The following CAPN8 variants were observed in gnomAD, a reference collection of about 807,000 sequenced individuals.
CAPN8 encodes calpain 8, also known as calpain-8.
A neutral mutation model predicts 80.9 loss-of-function variants in CAPN8; 87 were observed. That is an observed-to-expected ratio of 1.07 (90% CI 0.90 to 1.28). The LOEUF is 1.28. Ranked by LOEUF, CAPN8 falls within the 50% of genes most tolerant of loss-of-function variation. The pLI, the probability that CAPN8 is intolerant of heterozygous loss-of-function variation, is 0.00. For missense variants in CAPN8, 757 were observed against 702.0 expected, an observed-to-expected ratio of 1.08 and a Z score of -0.89; for synonymous variants, 299 against 273.8, an observed-to-expected ratio of 1.09 and a Z score of -0.91.
chr1:223,654,527 A>G (rs1039565340), intron 1 of CAPN8, 128 bp from the exon 2 acceptor site: 22 of 791,926 alleles, frequency 2.8e-5, no homozygotes, highest in Admixed American at 1.9e-4. Flanking sequence ...TGCCCATCAC[A>G]TGGTTTTATT....
At chr1:223,558,807 G>A (rs921924369) in intron 12 of CAPN8, among the ~76,000 whole-genome samples, 21 of 149,848 alleles carry the variant, frequency 1.4e-4, no homozygotes, top group Admixed American at 1.3e-3. Context: ...GTATGCATGT[G>A]CTTGTAGTAT....
rs922058802 is a variant in CAPN8 at position 223,558,559 on chromosome 1, G to C, written c.1536-392C>G. 9.9e-5 allele frequency among the ~76,000 whole-genome samples: 15 copies of C among 152,122 alleles called. No individual in the cohort carries two copies. In the South Asian group the frequency reaches 1.0e-3, roughly 11 times the overall value. ...GCAAGCCCACAGCCCTTGCAGGTGT[G>C]CATAGATGTTGTGTGTGCTATGGTG... On this transcript the variant is annotated intron_variant, in intron 12 of 20. Coordinates refer to ENST00000366872, the MANE Select transcript of CAPN8 (RefSeq NM_001143962.2).
At chr1:223,631,368 C>T (rs72747939) in intron 2 of CAPN8, among the ~76,000 whole-genome samples, 28,642 of 152,056 alleles carry the variant, frequency 0.19, 2,802 homozygotes, top group Middle Eastern at 0.22. Context: ...ATTCATGCAT[C>T]AACTCCTTGG....
chr1:223,544,621 G>A (rs750767563), intron 18 of CAPN8, 151 bp downstream of exon 18: 22 of 1,041,174 alleles, frequency 2.1e-5, no homozygotes, highest in Non-Finnish European at 3.0e-5. Context: ...TTCCTGGACA[G>A]GGAAGGTACT....
chr1:223,664,985 G>A (rs558908225), intron 1 of CAPN8, among the ~76,000 whole-genome samples: 2 of 152,084 alleles, frequency 1.3e-5, no homozygotes, highest in East Asian at 1.9e-4. Flanking sequence ...CAGATGCAGT[G>A]GCTCATGCCT....
chr1:223,546,619 C>T (rs1656628171), intron 16 of CAPN8, among the ~76,000 whole-genome samples: 1 of 152,162 alleles, frequency 6.6e-6, no homozygotes, highest in African/African-American at 2.4e-5. Flanking sequence ...ACTCTACATA[C>T]TTGTATCTCA....
In CAPN8 at chr1:223,627,933, G is replaced by A. The variant is rs191127131; in HGVS notation, c.560+76C>T. On this transcript the variant is annotated intron_variant, in intron 4 of 20. Transcript: ENST00000366872. ...TGACGCCCTGAGTTTGGGGTGGGGA[G>A]GCAGACGTGGGAGGGACAGGTGAGA... 1.0e-4 allele frequency: 143 copies of A among 1,436,864 alleles called. No individual in the cohort carries two copies. In the African/African-American group the frequency reaches 1.8e-3, roughly 18 times the overall value. 89.0% of individuals were successfully genotyped at this position (1,436,864 alleles called of 1,614,324 possible).
At chr1:223,634,400 G>T (rs1657857731) in intron 2 of CAPN8, among the ~76,000 whole-genome samples, 1 of 152,124 alleles carries the variant, frequency 6.6e-6, no homozygotes, top group Non-Finnish European at 1.5e-5. Context: ...TCAGCACTAG[G>T]GTACGTAAGG....
intron 2 of CAPN8, among the ~76,000 whole-genome samples, chr1:223,631,533 A>T (rs1657774201): frequency 6.6e-6 from 1 of 152,144 alleles, no homozygotes; most frequent in African/African-American, 2.4e-5. Context: ...AGCAATGTGG[A>T]TTCACTCATC....
intron 19 of CAPN8, among the ~76,000 whole-genome samples, chr1:223,543,616 C>A (rs1044062524): frequency 6.6e-6 from 1 of 152,154 alleles, no homozygotes; most frequent in Non-Finnish European, 1.5e-5. Flanking sequence ...GATATCTAAT[C>A]TCAAGGCCCA....
intron 16 of CAPN8, 182 bp from the exon 17 acceptor site, chr1:223,545,481 C>A: frequency 1.1e-6 from 1 of 946,464 alleles, no homozygotes; most frequent in Non-Finnish European, 1.5e-6. Flanking sequence ...GTCAAACGTG[C>A]ACCAAGGCTC....
chr1:223,642,298 G>C (rs1368795592), intron 2 of CAPN8, among the ~76,000 whole-genome samples: 2 of 152,092 alleles, frequency 1.3e-5, no homozygotes, highest in Non-Finnish European at 2.9e-5. Context: ...GTGTTTTTCT[G>C]AACAATGGTA....
At chr1:223,659,146 G>A (rs1327356308) in intron 1 of CAPN8, among the ~76,000 whole-genome samples, 2 of 152,118 alleles carry the variant, frequency 1.3e-5, no homozygotes, top group Non-Finnish European at 2.9e-5. Flanking sequence ...CAGGCCTAAG[G>A]AAATACAGGT....
chr1:223,550,155 GC>G (rs1572222665), intron 15 of CAPN8, among the ~76,000 whole-genome samples: 1 of 152,148 alleles, frequency 6.6e-6, no homozygotes, highest in East Asian at 1.9e-4. Flanking sequence ...CAAAGACCCT[GC>G]AACCCCTTCT....
chr1:223,656,483 T>G (rs537701466), intron 1 of CAPN8, among the ~76,000 whole-genome samples: 8 of 151,710 alleles, frequency 5.3e-5, no homozygotes, highest in Non-Finnish European at 1.2e-4. Flanking sequence ...AACAAAAATT[T>G]ATTTACCTGT....
At chr1:223,615,830 G>T in intron 10 of CAPN8, 140 bp downstream of exon 10, 1 of 1,000,554 alleles carries the variant, frequency 1.0e-6, no homozygotes, top group Non-Finnish European at 1.5e-6. Context: ...AGGCCACTGG[G>T]AGAGGTATAT....
rs899381209 is a variant in CAPN8, at chr1:223,558,680, C to T, written c.1536-513G>A. Among the ~76,000 whole-genome samples the T allele has an allele frequency of 1.6e-3, 241 of 151,112 alleles. 1 individual carries two copies. The highest frequency in any genetic ancestry group is 2.3e-3 in the Non-Finnish European group (157 of 67,670). Reference sequence around the variant, plus strand: ...GCTGTGTGATTGTGTGGAGTGTGTGCGGTATGTACATGGTGTGTGTGAATG... The same window carrying T: ...GCTGTGTGATTGTGTGGAGTGTGTGTGGTATGTACATGGTGTGTGTGAATG... On this transcript the variant is annotated intron_variant, in intron 12 of 20. Coordinates refer to ENST00000366872, the MANE Select transcript of CAPN8 (RefSeq NM_001143962.2).
rs1328078291 is a variant in CAPN8 at position 223,625,813 on chromosome 1, C to A, written c.805G>T (p.Val269Phe). The A allele has an allele frequency of 6.5e-7, 1 of 1,550,254 alleles. No homozygotes were observed. Among genetic ancestry groups the A allele is most frequent in the South Asian group, 1.2e-5 (1 of 84,006 alleles). The change falls in exon 6 of 21, where the codon GTC becomes TTC. Residue 269 changes from valine (V) to phenylalanine (F), a missense_variant. Transcript: ENST00000366872. The stretch of plus-strand genomic sequence containing the variant: ...CTTCCACACAATTTTACCTCTTCGA[C>A]TCCAGTGACAGAGTACGCATGACTC... ...VKSHAYSVTGVEEVNFQGHPE... is the reference protein window; with the variant it reads ...VKSHAYSVTGFEEVNFQGHPE...
intron 11 of CAPN8, among the ~76,000 whole-genome samples, chr1:223,611,507 C>T (rs1411066148): frequency 1.3e-5 from 2 of 152,336 alleles, no homozygotes; most frequent in South Asian, 2.1e-4. Context: ...CTACTGTGGG[C>T]TCACTGACTA....
Sources: gnomAD v4.1 joint callset for allele counts (sites outside exome capture counted in the v4.1 genomes callset) on GRCh38, gnomAD v4.1.1 for gene constraint, MANE v1.5 for transcripts, NCBI Gene and HGNC (gene_info 2026-07-23, HGNC 2026-07-21) for gene names.